Variants in MMP26 observed in about 807,000 individuals in gnomAD.
MMP26 encodes the protein matrix metalloproteinase-26.
Under a neutral mutation model 31.0 loss-of-function variants are expected in MMP26, and 33 were observed. The observed-to-expected ratio is 1.06, with a 90% confidence interval of 0.81 to 1.42. The LOEUF is 1.42. MMP26 is among the 40% of genes most tolerant of loss of function. MMP26 has a pLI of 0.00. For synonymous variants in MMP26, 122 were observed against 114.9 expected (o/e 1.06, Z -0.40); for missense variants, 347 against 316.1 (o/e 1.10, Z -0.74).
intron 2 of MMP26, among the ~76,000 whole-genome samples, chr11:4,951,411 C>A (rs1456398618): frequency 8.1e-6 from 1 of 124,146 alleles, no homozygotes; most frequent in Non-Finnish European, 1.8e-5. Context: ...AAAGTGCTAC[C>A]AGTGAACTCT....
intron 2 of MMP26, among the ~76,000 whole-genome samples, chr11:4,979,248 C>T (rs1016920211): frequency 5.9e-5 from 9 of 152,052 alleles, no homozygotes; most frequent in South Asian, 2.1e-4. Flanking sequence ...AGAGAATTTG[C>T]GAGCCCTTGC....
intron 1 of MMP26, among the ~76,000 whole-genome samples, chr11:4,715,382 T>C (rs1847916096): frequency 6.6e-6 from 1 of 151,052 alleles, no homozygotes; most frequent in Non-Finnish European, 1.5e-5. Context: ...AAGAAGTAAG[T>C]TCTTCTGACT....
chr11:4,769,690 A>G, intron 2 of MMP26: 1 of 1,612,924 alleles, frequency 6.2e-7, no homozygotes. Context: ...ATGAAGAAAC[A>G]GTCAAGCCCA....
rs540572047 is a variant in MMP26 at position 4,838,315 on chromosome 11, TAAAAAAAAAAAAAAAAAAAAAAAAA to T, written c.-145+70991_-145+71015del. 6.2e-3 allele frequency among the ~76,000 whole-genome samples: 171 copies of T among 27,420 alleles called. 1 individual carries two copies. The highest frequency in any genetic ancestry group is 0.012 in the African/African-American group (157 of 13,064). The allele number at this position is 27,420 out of a possible 152,430, so 18.0% of individuals were successfully genotyped here. A position where few individuals can be genotyped will look rare whatever the true frequency, so the allele number is the denominator to read the frequency against. ...CCAGGGCACAGGGCAAGACTCTGTC[TAAAAAAAAAAAAAAAAAAAAAAAAA>T]AAAAAAAAAAAAAAAAGTATGATAT... On this transcript the variant is annotated intron_variant, in intron 2 of 7. Transcript: ENST00000380390.
At chr11:4,988,040 T>C in intron 2 of MMP26, 28 bp from the exon 3 acceptor site, 1 of 659,996 alleles carries the variant, frequency 1.5e-6, no homozygotes, top group East Asian at 2.7e-5. Flanking sequence ...TTGTCACCCT[T>C]GCATGCTGGT....
At chr11:4,887,624 G>A (rs1203729739) in intron 2 of MMP26, among the ~76,000 whole-genome samples, 1 of 152,108 alleles carries the variant, frequency 6.6e-6, no homozygotes, top group Non-Finnish European at 1.5e-5. Flanking sequence ...TACGTCAGAT[G>A]TTTGATGTGC....
chr11:4,797,484 T>C (rs1455193197), intron 2 of MMP26, among the ~76,000 whole-genome samples: 1 of 152,186 alleles, frequency 6.6e-6, no homozygotes, highest in East Asian at 1.9e-4. Flanking sequence ...CTGTGCACTA[T>C]GATTGCTCTG....
At chr11:4,845,843 T>C (rs1849859324) in intron 2 of MMP26, among the ~76,000 whole-genome samples, 1 of 152,178 alleles carries the variant, frequency 6.6e-6, no homozygotes, top group Non-Finnish European at 1.5e-5. Flanking sequence ...TCTGTAAAAG[T>C]TCTCCACATC....
intron 2 of MMP26, among the ~76,000 whole-genome samples, chr11:4,886,750 G>A (rs947912885): frequency 2.1e-5 from 2 of 96,806 alleles, no homozygotes; most frequent in Non-Finnish European, 6.1e-5. Context: ...CAGCCTGTTG[G>A]CAAACTCAGA....
At chr11:4,906,737 A>G (rs568679617) in intron 2 of MMP26, among the ~76,000 whole-genome samples, 2 of 152,268 alleles carry the variant, frequency 1.3e-5, no homozygotes, top group South Asian at 4.1e-4. Flanking sequence ...GATTCTAAGT[A>G]TCTTTTTACT....
intron 2 of MMP26, among the ~76,000 whole-genome samples, chr11:4,940,450 A>G (rs1846190805): frequency 6.6e-6 from 1 of 152,180 alleles, no homozygotes; most frequent in African/African-American, 2.4e-5. Flanking sequence ...ATGTAATGCA[A>G]ATTTTGTCAG....
chr11:4,923,275 T>A, intron 2 of MMP26: 1 of 1,275,856 alleles, frequency 7.8e-7, no homozygotes, highest in East Asian at 2.4e-5. Context: ...AATTGCCTTT[T>A]TGTTGACAGT....
intron 2 of MMP26, chr11:4,769,264 C>T (rs1368694095): frequency 6.2e-7 from 1 of 1,613,746 alleles, no homozygotes; most frequent in Non-Finnish European, 8.5e-7. Context: ...AGATATATGA[C>T]AGGACAATGC....
chr11:4,722,323 A>G (rs1476315711), intron 1 of MMP26, among the ~76,000 whole-genome samples: 6 of 152,112 alleles, frequency 3.9e-5, no homozygotes, highest in Non-Finnish European at 4.4e-5. Flanking sequence ...TGATTTTGTG[A>G]CTGATACATA....
At chr11:4,913,333 G>A (rs1851020794) in intron 2 of MMP26, 1 of 152,114 alleles carries the variant, frequency 6.6e-6, no homozygotes, top group Non-Finnish European at 1.5e-5. Flanking sequence ...GGTGAGAACT[G>A]GTCCACATAC....
At chr11:4,798,048 A>G (rs1306955697) in intron 2 of MMP26, among the ~76,000 whole-genome samples, 1 of 152,198 alleles carries the variant, frequency 6.6e-6, no homozygotes, top group Non-Finnish European at 1.5e-5. Context: ...TTTTCTGCAT[A>G]TTGACCTGTG....
chr11:4,963,018 C>T (rs1846542542), intron 2 of MMP26, among the ~76,000 whole-genome samples: 1 of 152,168 alleles, frequency 6.6e-6, no homozygotes, highest in South Asian at 2.1e-4. Context: ...CTAACAGATG[C>T]TTTCCCATTA....
chr11:4,820,139 AT>A (rs1378360066), intron 2 of MMP26, among the ~76,000 whole-genome samples: 1 of 152,156 alleles, frequency 6.6e-6, no homozygotes, highest in Non-Finnish European at 1.5e-5. Flanking sequence ...TGGTTTAGAA[AT>A]TCCTTTTATG....
intron 2 of MMP26, among the ~76,000 whole-genome samples, chr11:4,816,332 T>C (rs1438049480): frequency 6.6e-6 from 1 of 152,190 alleles, no homozygotes; most frequent in African/African-American, 2.4e-5. Context: ...TAGAAGAATA[T>C]GTATTCTGTA....
Sources: allele counts gnomAD v4.1 joint callset (sites outside exome capture counted in the v4.1 genomes callset), GRCh38; gene constraint gnomAD v4.1.1; transcripts MANE v1.5; gene names NCBI Gene and HGNC (gene_info 2026-07-23, HGNC 2026-07-21).